PCDH15: variants seen among roughly 807,000 people sequenced by gnomAD.
PCDH15 encodes the protein protocadherin-15.
In PCDH15, 129 loss-of-function variants were observed where a neutral mutation model predicts 178.5. The ratio of observed to expected loss-of-function variants is 0.72; its 90% CI spans 0.63 to 0.84. The LOEUF (loss-of-function observed/expected upper bound fraction) is 0.84. PCDH15 is among the 40% of genes least tolerant of loss of function. PCDH15 has a pLI of 0.00. For missense variants in PCDH15, 2,230 were observed against 2,099.9 expected (o/e 1.06, Z -1.21); for synonymous variants, 800 against 732.0 (o/e 1.09, Z -1.50).
intron 18 of PCDH15, among the ~76,000 whole-genome samples, chr10:54,038,423 A>G (rs910756995): frequency 4.6e-5 from 7 of 151,918 alleles, no homozygotes; most frequent in Admixed American, 3.3e-4. Flanking sequence ...GCAAAGGACA[A>G]GACCAGAATT....
At chr10:54,388,873 A>C (rs1950217120) in intron 3 of PCDH15, among the ~76,000 whole-genome samples, 1 of 152,174 alleles carries the variant, frequency 6.6e-6, no homozygotes, top group Non-Finnish European at 1.5e-5. Flanking sequence ...TCCATGATAA[A>C]AGTGGGTTTA....
intron 25 of PCDH15, among the ~76,000 whole-genome samples, chr10:53,935,756 GT>G (rs890574514): frequency 2.4e-4 from 36 of 151,404 alleles, no homozygotes; most frequent in Middle Eastern, 3.4e-3. Flanking sequence ...AAAGAATAAA[GT>G]TTTTTTTTCT....
rs542317150 is a variant in PCDH15 at position 55,196,541 on chromosome 10, C to T, written c.-155-29890G>A. 4.7e-4 allele frequency among the ~76,000 whole-genome samples: 72 copies of T among 152,122 alleles called. 1 individual carries two copies. The highest frequency in any genetic ancestry group is 1.6e-3 in the African/African-American group (68 of 41,478). ...CCTAACAGCTTCCTGGATATAATCA[C>T]AGGTACAATATAAGGACATACAACA... is the stretch of plus-strand genomic sequence containing the variant. On this transcript the variant is annotated intron_variant, in intron 1 of 5. Coordinates refer to the PCDH15 transcript ENST00000458638.
intron 2 of PCDH15, among the ~76,000 whole-genome samples, chr10:55,498,399 G>A (rs1840583163): frequency 1.3e-5 from 2 of 151,758 alleles, no homozygotes; most frequent in African/African-American, 4.8e-5. Flanking sequence ...AGCAAATCAA[G>A]CATCCACATT....
intron 2 of PCDH15, among the ~76,000 whole-genome samples, chr10:55,332,940 C>T (rs183049207): frequency 6.6e-6 from 1 of 152,114 alleles, no homozygotes; most frequent in Non-Finnish European, 1.5e-5. Context: ...AACTAATACA[C>T]CTGCTTTTCC....
intron 2 of PCDH15, among the ~76,000 whole-genome samples, chr10:55,434,680 A>G: frequency 6.6e-6 from 1 of 151,298 alleles, no homozygotes; most frequent in East Asian, 2.0e-4. Flanking sequence ...ATCTTGGCTC[A>G]CTGCAACCTC....
intron 18 of PCDH15, among the ~76,000 whole-genome samples, chr10:54,066,501 T>C (rs1171705533): frequency 6.6e-6 from 1 of 152,196 alleles, no homozygotes; most frequent in Non-Finnish European, 1.5e-5. Flanking sequence ...TTTCAGAAAC[T>C]AAAAATATAT....
chr10:55,242,563 G>A (rs770425594), intron 1 of PCDH15, among the ~76,000 whole-genome samples: 1 of 152,068 alleles, frequency 6.6e-6, no homozygotes, highest in Non-Finnish European at 1.5e-5. Context: ...TGTCGGCCAG[G>A]AACAGTGGCT....
chr10:54,083,770 T>C (rs2094472154), intron 16 of PCDH15, among the ~76,000 whole-genome samples: 3 of 152,306 alleles, frequency 2.0e-5, no homozygotes, highest in Non-Finnish European at 4.4e-5. Flanking sequence ...AAATGGTTAA[T>C]TTTGTGCTAT....
At chr10:55,516,875 T>C (rs1841025941) in intron 2 of PCDH15, among the ~76,000 whole-genome samples, 1 of 152,144 alleles carries the variant, frequency 6.6e-6, no homozygotes, top group South Asian at 2.1e-4. Flanking sequence ...ATTTCAAAAC[T>C]GCTCCTCTGT....
At chr10:54,414,114 T>A (rs1953969478) in intron 3 of PCDH15, among the ~76,000 whole-genome samples, 1 of 152,154 alleles carries the variant, frequency 6.6e-6, no homozygotes, top group Non-Finnish European at 1.5e-5. Flanking sequence ...AATTGAAGAA[T>A]GATCCTATTT....
intron 8 of PCDH15, among the ~76,000 whole-genome samples, chr10:54,290,615 G>T (rs2059338320): frequency 6.6e-6 from 1 of 152,122 alleles, no homozygotes; most frequent in East Asian, 1.9e-4. Flanking sequence ...CGGATAAAGG[G>T]TCAAGATCAA....
At chr10:53,892,607 G>T (rs950633275) in intron 26 of PCDH15, among the ~76,000 whole-genome samples, 2 of 151,982 alleles carry the variant, frequency 1.3e-5, no homozygotes, top group African/African-American at 2.4e-5. Flanking sequence ...ACTTCATCTT[G>T]TCCACTTATA....
At chr10:54,328,363 T>C (rs1246522867) in intron 7 of PCDH15, among the ~76,000 whole-genome samples, 1 of 152,036 alleles carries the variant, frequency 6.6e-6, no homozygotes, top group Non-Finnish European at 1.5e-5. Context: ...TCACTTAATA[T>C]GGGACTTTTT....
intron 10 of PCDH15, among the ~76,000 whole-genome samples, chr10:54,207,402 GTGTGTGTT>G (rs2050927286): frequency 7.8e-6 from 1 of 127,538 alleles, no homozygotes; most frequent in South Asian, 2.6e-4. Context: ...GTGTGTGTGT[GTGTGTGTT>G]TTGGTATTAT....
intron 2 of PCDH15, among the ~76,000 whole-genome samples, chr10:55,393,298 A>G (rs1294665915): frequency 6.6e-6 from 1 of 152,128 alleles, no homozygotes; most frequent in Non-Finnish European, 1.5e-5. Context: ...TCATATTTCA[A>G]ACAAATGCCC....
chr10:55,567,308 G>C (rs539311706), intron 2 of PCDH15, among the ~76,000 whole-genome samples: 2 of 151,592 alleles, frequency 1.3e-5, no homozygotes, highest in Non-Finnish European at 2.9e-5. Flanking sequence ...TAAATGGAAG[G>C]CCTAAAACTA....
intron 2 of PCDH15, among the ~76,000 whole-genome samples, chr10:55,348,175 A>C (rs1844813755): frequency 6.6e-6 from 1 of 152,160 alleles, no homozygotes; most frequent in African/African-American, 2.4e-5. Context: ...ATAGACATTT[A>C]GCTATTTAAA....
At chr10:54,214,849 C>A (rs1218705959) in intron 9 of PCDH15, among the ~76,000 whole-genome samples, 1 of 152,118 alleles carries the variant, frequency 6.6e-6, no homozygotes, top group African/African-American at 2.4e-5. Context: ...CCTCAGCTTC[C>A]CAAAGTGCTA....
Sources: gnomAD v4.1 joint callset for allele counts (sites outside exome capture counted in the v4.1 genomes callset) on GRCh38, gnomAD v4.1.1 for gene constraint, MANE v1.5 for transcripts, NCBI Gene and HGNC (gene_info 2026-07-23, HGNC 2026-07-21) for gene names.